Variants in CDHR1 observed in about 807,000 individuals in gnomAD.
CDHR1 encodes cadherin related family member 1.
In CDHR1, 61 loss-of-function variants were observed where a neutral mutation model predicts 72.1. The observed-to-expected ratio is 0.85, with a 90% confidence interval of 0.69 to 1.05. The LOEUF (loss-of-function observed/expected upper bound fraction) is 1.05, where lower values mean the gene tolerates loss of function less well. Among genes scored for constraint, CDHR1 ranks in the 50% least tolerant of loss-of-function variants. The pLI is 0.00. For synonymous variants in CDHR1, 470 were observed against 448.1 expected (o/e 1.05, Z -0.62); for missense variants, 1,186 against 1,115.7 (o/e 1.06, Z -0.90).
chr10:84,216,467 C>T lies in CDHR1; in HGVS notation c.*1846C>T. ...CTCCACAGGGAATACAGCATCCTTA[C>T]AGCTTGCATGCAATCAACCTCTTTT... is the stretch of plus-strand genomic sequence containing the variant. On this transcript the variant is annotated 3_prime_UTR_variant, in exon 17 of 17. Coordinates refer to ENST00000623527, the MANE Select transcript of CDHR1 (RefSeq NM_033100.4). 1.0e-6 allele frequency: 1 copy of T among 985,510 alleles called. No homozygotes were observed. Among genetic ancestry groups the T allele is most frequent in the Middle Eastern group, 5.2e-4 (1 of 1,914 alleles). The allele number at this position is 985,510 out of a possible 1,614,324, so 61.0% of individuals were successfully genotyped here. A position where few individuals can be genotyped will look rare whatever the true frequency, so the allele number is the denominator to read the frequency against.
rs1300154577 is a variant in CDHR1, at chr10:84,214,740, A to G, written c.*119A>G. Reference sequence around the variant, plus strand: ...ACTGACCCCTGTTTTGCACAATGGTATAATCCCCACTGTCCTCATCTCTAC... The same window carrying G: ...ACTGACCCCTGTTTTGCACAATGGTGTAATCCCCACTGTCCTCATCTCTAC... On this transcript the variant is annotated 3_prime_UTR_variant, in exon 17 of 17. Coordinates refer to ENST00000623527, the MANE Select transcript of CDHR1 (RefSeq NM_033100.4). 2.6e-6 allele frequency: 4 copies of G among 1,565,892 alleles called. No individual in the cohort carries two copies. The Admixed American group carries it at 5.4e-5, about 21-fold the overall frequency.
At chr10:84,205,718 TC>T in intron 9 of CDHR1, 108 bp from the exon 10 acceptor site, 4 of 747,528 alleles carry the variant, frequency 5.4e-6, no homozygotes, top group Non-Finnish European at 9.5e-6. Context: ...ATGACAGGAT[TC>T]CATTCTATGA....
chr10:84,203,177 C>T, intron 8 of CDHR1, 54 bp downstream of exon 8: 1 of 1,610,506 alleles, frequency 6.2e-7, no homozygotes, highest in Non-Finnish European at 8.5e-7. Flanking sequence ...CCTGCCCTGA[C>T]CCTTGTGATT....
chr10:84,219,439 C>T (rs1589314019), downstream of CDHR1: 1 of 1,191,852 alleles, frequency 8.4e-7, no homozygotes. Context: ...CCTGACCCCT[C>T]TGTCTCATGT....
chr10:84,217,125 G>A lies in CDHR1; in HGVS notation c.*2504G>A. 4 of 985,656 alleles carry A rather than the reference G, an allele frequency of 4.1e-6. No homozygotes were observed. The highest frequency in any genetic ancestry group is 1.7e-5 in the African/African-American group (1 of 57,376). 61.1% of individuals were successfully genotyped at this position (985,656 alleles called of 1,614,324 possible). The stretch of plus-strand genomic sequence containing the variant: ...CAAACTTAAGGCACCGGCAAGTGTT[G>A]TCAGCACTGGAGGAGACCCCGCCAG... On this transcript the variant is annotated 3_prime_UTR_variant, in exon 17 of 17. Coordinates refer to ENST00000623527, the MANE Select transcript of CDHR1 (RefSeq NM_033100.4).
intron 9 of CDHR1, among the ~76,000 whole-genome samples, chr10:84,205,237 C>A (rs942103323): frequency 6.6e-6 from 1 of 152,106 alleles, no homozygotes; most frequent in East Asian, 1.9e-4. Context: ...TATGCCCCGG[C>A]CTTTCTCTAG....
In CDHR1 at chr10:84,211,124, C is replaced by A. The variant is rs771248221; in HGVS notation, c.1444C>A (p.Pro482Thr). ...FDSLYYVARI[P>T]ENAPGGSSVV... ...CTCCCTCTACTACGTTGCCAGGATT[C>A]CTGAGAACGCCCCAGGGGGCTCCAG... Residue 482 changes from proline (P) to threonine (T), a missense_variant, in exon 13 of 17, where the codon CCT (proline) becomes ACT (threonine). Physicochemically the swap from Pro to Thr is conservative, Grantham distance 38. Transcript: ENST00000623527. 11 of 1,614,236 alleles carry A rather than the reference C, an allele frequency of 6.8e-6. No homozygotes were observed. In the Admixed American group the frequency reaches 1.8e-4, roughly 27 times the overall value.
Position 84,217,223 on chromosome 10 carries a change from C to T in CDHR1, c.*2602C>T, listed in dbSNP as rs1016155254. On this transcript the variant is annotated 3_prime_UTR_variant, in exon 17 of 17. Transcript: ENST00000623527. ...GGCTGTCTGCTAGGTCCCAGTAGGA[C>T]AGGCAGAGCTCCAGGCTGGCACCAT... 26 of 985,390 alleles carry T rather than the reference C, an allele frequency of 2.6e-5. No homozygotes were observed. The African/African-American group carries it at 4.5e-4, about 17-fold the overall frequency. 61.0% of individuals were successfully genotyped at this position (985,390 alleles called of 1,614,324 possible). A position where few individuals can be genotyped will look rare whatever the true frequency, so the allele number is the denominator to read the frequency against.
At chr10:84,195,663 C>A in intron 2 of CDHR1, 74 bp downstream of exon 2, 1 of 1,308,460 alleles carries the variant, frequency 7.6e-7, no homozygotes, top group East Asian at 2.4e-5. Flanking sequence ...CAAAGTGCCC[C>A]AGGCACCACC....
At chr10:84,200,580 C>T in intron 5 of CDHR1, 21 bp from the exon 6 acceptor site, 1 of 1,576,702 alleles carries the variant, frequency 6.3e-7, no homozygotes, top group Non-Finnish European at 8.7e-7. Flanking sequence ...TGACCCTCCC[C>T]TGTGGCTGTG....
In CDHR1 at chr10:84,197,814, G is replaced by A. The variant is rs1842054620; in HGVS notation, c.326G>A (p.Ser109Asn). 6.2e-7 allele frequency: 1 copy of A among 1,613,884 alleles called. No individual in the cohort carries two copies. Among genetic ancestry groups the A allele is most frequent in the Non-Finnish European group, 8.5e-7 (1 of 1,179,936 alleles). The change falls in exon 4 of 17, where the codon AGC (serine) becomes AAC (asparagine). Residue 109 changes from serine (S) to asparagine (N), a missense_variant. Transcript: ENST00000623527. ...EREDEIEAII[S>N]ISDGLNLVAE... ...GAAGATGAGATTGAAGCCATCATCAGCATTTCTGATGGCCTGAATCTGGTG... is the reference window on the plus strand; with the variant it reads ...GAAGATGAGATTGAAGCCATCATCAACATTTCTGATGGCCTGAATCTGGTG...
chr10:84,217,813 C>T lies in CDHR1; in HGVS notation c.*3192C>T. Reference sequence around the variant, plus strand: ...GGAGTGGAGGACAGGGCAGATGCCACAGCATCTGTGGCCTGTGTAGCCGGC... The same window carrying T: ...GGAGTGGAGGACAGGGCAGATGCCATAGCATCTGTGGCCTGTGTAGCCGGC... On this transcript the variant is annotated 3_prime_UTR_variant, in exon 17 of 17. Transcript: ENST00000623527. The T allele has an allele frequency of 2.0e-6, 2 of 985,458 alleles. No homozygotes were observed. Among genetic ancestry groups the T allele is most frequent in the Non-Finnish European group, 2.4e-6 (2 of 829,948 alleles). 61.0% of individuals were successfully genotyped at this position (985,458 alleles called of 1,614,324 possible). A position where few individuals can be genotyped will look rare whatever the true frequency, so the allele number is the denominator to read the frequency against.
rs1841993214 is a variant in CDHR1 at position 84,194,625 on chromosome 10, C to T, written c.-136C>T. 1.7e-6 allele frequency: 1 copy of T among 576,200 alleles called. No individual in the cohort carries two copies. Among genetic ancestry groups the T allele is most frequent in the Non-Finnish European group, 2.7e-6 (1 of 366,542 alleles). 35.7% of individuals were successfully genotyped at this position (576,200 alleles called of 1,614,324 possible). A position where few individuals can be genotyped will look rare whatever the true frequency, so the allele number is the denominator to read the frequency against. On this transcript the variant is annotated 5_prime_UTR_variant, in exon 1 of 17. Transcript: ENST00000623527. ...CTCACGCCACCCGCCGCTCCCGCCC[C>T]GTGCCCCCTCCCGCCGCGGCTGCAG...
chr10:84,202,245 G>A (rs1842141120), intron 7 of CDHR1, among the ~76,000 whole-genome samples: 2 of 152,118 alleles, frequency 1.3e-5, no homozygotes, highest in Admixed American at 1.3e-4. Flanking sequence ...TCGCTGGCCA[G>A]GCTTGCTCAC....
At chr10:84,210,412 C>T (rs1842307477) in intron 12 of CDHR1, among the ~76,000 whole-genome samples, 1 of 151,850 alleles carries the variant, frequency 6.6e-6, no homozygotes, top group Non-Finnish European at 1.5e-5. Context: ...ATTACAGACA[C>T]ACATCATCAC....
chr10:84,216,736 G>T lies in CDHR1; in HGVS notation c.*2115G>T. Reference sequence around the variant, plus strand: ...GAACAGCAGGACATTTGCAGGCCTTGTCTACTGGACTTTTCTCCCAAACAG... The same window carrying T: ...GAACAGCAGGACATTTGCAGGCCTTTTCTACTGGACTTTTCTCCCAAACAG... On this transcript the variant is annotated 3_prime_UTR_variant, in exon 17 of 17. Coordinates refer to ENST00000623527, the MANE Select transcript of CDHR1 (RefSeq NM_033100.4). The T allele has an allele frequency of 5.1e-6, 5 of 985,508 alleles. No homozygotes were observed. In the South Asian group the frequency reaches 2.3e-4, roughly 46 times the overall value. 61.0% of individuals were successfully genotyped at this position (985,508 alleles called of 1,614,324 possible). A position where few individuals can be genotyped will look rare whatever the true frequency, so the allele number is the denominator to read the frequency against.
chr10:84,219,163 C>T, downstream of CDHR1: 1 of 1,549,920 alleles, frequency 6.5e-7, no homozygotes, highest in South Asian at 1.2e-5. Flanking sequence ...GCCCAAGAAA[C>T]CACATTCCAG....
chr10:84,203,656 T>A (rs1842171718), intron 8 of CDHR1, among the ~76,000 whole-genome samples: 1 of 152,202 alleles, frequency 6.6e-6, no homozygotes, highest in Non-Finnish European at 1.5e-5. Flanking sequence ...CCTCAGGTGA[T>A]CCACCCGCCT....
chr10:84,196,506 C>G lies in CDHR1; in HGVS notation c.153C>G (p.Gly51=). The G allele has an allele frequency of 6.2e-7, 1 of 1,614,202 alleles. No homozygotes were observed. The change falls in exon 3 of 17, where the codon GGC becomes GGG. Residue 51 remains glycine (G), a splice_region_variant and synonymous_variant. Coordinates refer to ENST00000623527, the MANE Select transcript of CDHR1 (RefSeq NM_033100.4). The part of the protein sequence containing the change: ...LFSLPEDTPV[G]SHVYTLNGTD... Reference sequence around the variant, plus strand: ...TCTCTCCACTGTGTTTCCTTCCAGGCTCTCACGTATACACCCTGAATGGGA... The same window carrying G: ...TCTCTCCACTGTGTTTCCTTCCAGGGTCTCACGTATACACCCTGAATGGGA...
Sources: gnomAD v4.1 joint callset for allele counts (sites outside exome capture counted in the v4.1 genomes callset) on GRCh38, gnomAD v4.1.1 for gene constraint, MANE v1.5 for transcripts, NCBI Gene and HGNC (gene_info 2026-07-23, HGNC 2026-07-21) for gene names.